DISP1: variants seen among roughly 807,000 people sequenced by gnomAD.
The protein encoded by DISP1 is dispatched RND transporter family member 1, also known as protein dispatched homolog 1.
Under a neutral mutation model 37.3 loss-of-function variants are expected in DISP1, and 30 were observed. The ratio of observed to expected loss-of-function variants is 0.80; its 90% CI spans 0.60 to 1.09. The LOEUF (loss-of-function observed/expected upper bound fraction) is 1.09, where lower values mean the gene tolerates loss of function less well. DISP1 is among the 50% of genes least tolerant of loss of function. The pLI is 0.00. For missense variants in DISP1, 1,598 were observed against 1,879.5 expected, an observed-to-expected ratio of 0.85 and a Z score of 2.77; for synonymous variants, 634 against 690.2, an observed-to-expected ratio of 0.92 and a Z score of 1.28.
intron 3 of DISP1, among the ~76,000 whole-genome samples, chr1:222,975,914 G>C (rs1034878912): frequency 6.6e-6 from 1 of 152,214 alleles, no homozygotes; most frequent in Non-Finnish European, 1.5e-5. Context: ...GAGTGGGAGA[G>C]AAAGAATGAC....
At chr1:222,856,201 T>G (rs1668537886) in intron 1 of DISP1, among the ~76,000 whole-genome samples, 1 of 152,222 alleles carries the variant, frequency 6.6e-6, no homozygotes, top group South Asian at 2.1e-4. Flanking sequence ...CATTCTACTT[T>G]TAGTGGATCA....
chr1:222,955,993 A>T (rs892043868), intron 3 of DISP1, among the ~76,000 whole-genome samples: 1 of 152,216 alleles, frequency 6.6e-6, no homozygotes, highest in Non-Finnish European at 1.5e-5. Flanking sequence ...ATACTTTGAG[A>T]TTCAAGCCTA....
chr1:222,919,307 C>T (rs2609394), intron 1 of DISP1, among the ~76,000 whole-genome samples: 37,674 of 151,990 alleles, frequency 0.25, 4,877 homozygotes, highest in South Asian at 0.46. Context: ...CTGCATCTGC[C>T]GCCCAGAAGG....
intron 3 of DISP1, chr1:222,979,738 C>T: frequency 2.2e-6 from 1 of 460,902 alleles, no homozygotes; most frequent in Non-Finnish European, 4.5e-6. Flanking sequence ...TGGCCCTGCA[C>T]TCCGTCCCTC....
chr1:222,934,777 G>A (rs1029909965), intron 2 of DISP1, among the ~76,000 whole-genome samples: 2 of 152,048 alleles, frequency 1.3e-5, no homozygotes, highest in Non-Finnish European at 2.9e-5. Context: ...GGGTGCTTCA[G>A]TCCATTTATA....
At chr1:223,001,714 G>T (rs959513011) in intron 8 of DISP1, among the ~76,000 whole-genome samples, 1 of 152,116 alleles carries the variant, frequency 6.6e-6, no homozygotes, top group Admixed American at 6.5e-5. Context: ...TCTTATAAAA[G>T]CACTACTCCC....
intron 1 of DISP1, among the ~76,000 whole-genome samples, chr1:222,853,076 TATTTC>T (rs1449915394): frequency 6.6e-6 from 1 of 152,204 alleles, no homozygotes; most frequent in Non-Finnish European, 1.5e-5. Context: ...AAAAATTAGT[TATTTC>T]ATAGAAAAAA....
intron 2 of DISP1, among the ~76,000 whole-genome samples, chr1:222,934,171 C>T (rs371031568): frequency 1.2e-4 from 19 of 152,090 alleles, no homozygotes; most frequent in African/African-American, 4.6e-4. Flanking sequence ...TTGGACTTGG[C>T]ATTGCTCTAG....
chr1:222,826,581 G>A (rs1044312934), intron 1 of DISP1, among the ~76,000 whole-genome samples: 11 of 151,644 alleles, frequency 7.3e-5, no homozygotes, highest in African/African-American at 2.4e-4. Flanking sequence ...CAGAGATGGG[G>A]TTCTACTATG....
intron 1 of DISP1, among the ~76,000 whole-genome samples, chr1:222,927,470 C>T (rs913464903): frequency 4.6e-5 from 7 of 152,058 alleles, no homozygotes; most frequent in Admixed American, 2.0e-4. Flanking sequence ...AGATATATGA[C>T]GTGCAAATAT....
chr1:222,990,764 G>A lies in DISP1; in HGVS notation c.663+16G>A, dbSNP rs571986967. The A allele has an allele frequency of 3.1e-6, 5 of 1,613,556 alleles. No homozygotes were observed. The South Asian group carries it at 5.5e-5, about 18-fold the overall frequency. On this transcript the variant is annotated intron_variant, in intron 5 of 8. Transcript: ENST00000675850. ...TCCATTGCTGGTAACTAACTTTTAT[G>A]TTTTCTTTAGCCTAAAATCATCTCC...
intron 1 of DISP1, among the ~76,000 whole-genome samples, chr1:222,901,456 T>C (rs1671576235): frequency 6.6e-6 from 1 of 152,072 alleles, no homozygotes; most frequent in Non-Finnish European, 1.5e-5. Context: ...AACAAAGATA[T>C]TTGGGGACCT....
intron 1 of DISP1, among the ~76,000 whole-genome samples, chr1:222,883,858 A>G (rs2125372071): frequency 6.6e-6 from 1 of 152,346 alleles, no homozygotes; most frequent in East Asian, 1.9e-4. Flanking sequence ...AGTAGACAAA[A>G]TGCAAAATAC....
intron 1 of DISP1, among the ~76,000 whole-genome samples, chr1:222,883,533 C>A (rs1028964370): frequency 2.0e-5 from 3 of 152,210 alleles, no homozygotes; most frequent in Admixed American, 1.3e-4. Context: ...AGGAGAATTC[C>A]TTGAACCCGT....
Position 222,985,049 on chromosome 1 carries a change from A to G in DISP1, c.539+1940A>G, listed in dbSNP as rs182024459. ...CAATTCCCTTTTCATTTTTGCAAAA[A>G]AACAAGAGAGAAAGAAAAAATGAGG... On this transcript the variant is annotated intron_variant, in intron 4 of 8. Transcript: ENST00000675850. 5.2e-4 allele frequency among the ~76,000 whole-genome samples: 79 copies of G among 152,326 alleles called. 1 individual carries two copies. The East Asian group carries it at 0.012, about 23-fold the overall frequency.
At chr1:222,883,446 C>T (rs771930112) in intron 1 of DISP1, among the ~76,000 whole-genome samples, 6 of 152,054 alleles carry the variant, frequency 3.9e-5, no homozygotes, top group Admixed American at 6.6e-5. Context: ...GGTAAAACCG[C>T]GTCGCTACTA....
chr1:222,902,418 C>G (rs1291420128), intron 1 of DISP1, among the ~76,000 whole-genome samples: 2 of 152,094 alleles, frequency 1.3e-5, no homozygotes, highest in African/African-American at 4.8e-5. Flanking sequence ...TCTAAAACAC[C>G]AAAAGCAATG....
intron 3 of DISP1, among the ~76,000 whole-genome samples, chr1:222,980,442 T>G (rs1463035506): frequency 6.6e-6 from 1 of 151,470 alleles, no homozygotes; most frequent in Non-Finnish European, 1.5e-5. Context: ...TGTGTGTGTA[T>G]AAGAGAGAAA....
chr1:222,835,997 C>A (rs1010398348), intron 1 of DISP1, among the ~76,000 whole-genome samples: 2 of 151,422 alleles, frequency 1.3e-5, no homozygotes, highest in African/African-American at 4.8e-5. Flanking sequence ...AGCAGACTTC[C>A]TAGATCTCTA....
Sources: gnomAD v4.1 joint callset for allele counts (sites outside exome capture counted in the v4.1 genomes callset) on GRCh38, gnomAD v4.1.1 for gene constraint, MANE v1.5 for transcripts, NCBI Gene and HGNC (gene_info 2026-07-23, HGNC 2026-07-21) for gene names.